ROBO3: variants seen among roughly 807,000 people sequenced by gnomAD.
The protein encoded by ROBO3 is roundabout homolog 3.
Under a neutral mutation model 160.5 loss-of-function variants are expected in ROBO3, and 97 were observed. The ratio of observed to expected loss-of-function variants is 0.60; its 90% confidence interval spans 0.51 to 0.72. ROBO3 has a LOEUF of 0.72. Among genes scored for constraint, ROBO3 ranks in the 30% least tolerant of loss-of-function variants. The probability of loss-of-function intolerance (pLI) is 0.00; values close to 1 mark genes in which losing one functional copy is unlikely to be tolerated. For missense variants in ROBO3, 1,858 were observed against 1,846.5 expected, an observed-to-expected ratio of 1.01 and a Z score of -0.11; for synonymous variants, 780 against 746.2, an observed-to-expected ratio of 1.05 and a Z score of -0.74.
intron 1 of ROBO3, among the ~76,000 whole-genome samples, chr11:124,866,722 C>G (rs1193452740): frequency 6.6e-6 from 1 of 152,174 alleles, no homozygotes; most frequent in East Asian, 1.9e-4. Context: ...CGAAGCATCT[C>G]CTGAGACCGG....
chr11:124,870,721 T>G lies in ROBO3; in HGVS notation c.1026T>G (p.Ser342Arg), dbSNP rs1946270085. ...GCGCTGAAGCATCTGGCTCCCTCAGTGTTCACGGTGAGGGCTGTACTTGGG... is the reference window on the plus strand; with the variant it reads ...GCGCTGAAGCATCTGGCTCCCTCAGGGTTCACGGTGAGGGCTGTACTTGGG... ...VGRAEASGSL[S>R]VHVPPQLVTQ... The change falls in exon 6 of 28, where the codon AGT becomes AGG. Residue 342 changes from serine (S) to arginine (R), a missense_variant. Transcript: ENST00000397801. The G allele has an allele frequency of 6.2e-7, 1 of 1,611,074 alleles. No homozygotes were observed. Among genetic ancestry groups the G allele is most frequent in the East Asian group, 2.2e-5 (1 of 44,806 alleles).
At position 124,873,931 on chromosome 11, in the gene ROBO3, T is replaced by C. The variant is rs1192389218; in HGVS notation, c.1784+69T>C. The C allele has an allele frequency of 5.6e-6, 9 of 1,599,024 alleles. No individual in the cohort carries two copies. Among genetic ancestry groups the C allele is most frequent in the Non-Finnish European group, 7.7e-6 (9 of 1,168,292 alleles). On this transcript the variant is annotated intron_variant, in intron 11 of 27. Coordinates refer to ENST00000397801, the MANE Select transcript of ROBO3 (RefSeq NM_022370.4). This position sits in a 1 kb window ranked among gnomAD's most constrained non-coding sequence, Gnocchi z 4.5. The stretch of plus-strand genomic sequence containing the variant: ...GGGGATCCTATGCCCTTAGGGTCTT[T>C]GCTATTGTGAGGTGGGATTCTCCAG...
Position 124,869,355 on chromosome 11 carries a change from G to T in ROBO3, c.488-95G>T. The T allele has an allele frequency of 1.6e-6, 2 of 1,247,534 alleles. No individual in the cohort carries two copies. The highest frequency in any genetic ancestry group is 2.5e-5 in the South Asian group (2 of 78,494). The allele number at this position is 1,247,534 out of a possible 1,614,324, so 77.3% of individuals were successfully genotyped here. A position where few individuals can be genotyped will look rare whatever the true frequency, so the allele number is the denominator to read the frequency against. On this transcript the variant is annotated intron_variant, in intron 2 of 27. Coordinates refer to ENST00000397801, the MANE Select transcript of ROBO3 (RefSeq NM_022370.4). The surrounding 1 kb of genome is among the most constrained non-coding windows in gnomAD (Gnocchi z 4.2). ...CTGGGAACGAATTCCAGTCTGCAGC[G>T]ATCAACCCCTTCCCAAGACAACACT...
chr11:124,877,470 C>T (rs1356486278), intron 19 of ROBO3, 49 bp from the exon 20 acceptor site: 1 of 1,599,844 alleles, frequency 6.3e-7, no homozygotes, highest in African/African-American at 1.3e-5. Flanking sequence ...CTTTCCTTTG[C>T]TGGCCTCTTC....
chr11:124,865,782 G>A lies in ROBO3; in HGVS notation c.160+45G>A, dbSNP rs1450065889. The A allele has an allele frequency of 1.9e-6, 3 of 1,550,104 alleles. No homozygotes were observed. Among genetic ancestry groups the A allele is most frequent in the Non-Finnish European group, 2.6e-6 (3 of 1,147,256 alleles). On this transcript the variant is annotated intron_variant, in intron 1 of 27. Transcript: ENST00000397801. The surrounding 1 kb of genome is among the most constrained non-coding windows in gnomAD (Gnocchi z 5.5). ...GGATATGGGATCCTGGGATGGGGAT[G>A]AGGTGAGAGGGCGGCGTGGAAGGGA...
Position 124,876,879 on chromosome 11 carries a change from G to C in ROBO3, c.2780-282G>C, listed in dbSNP as rs565405065. 1 of 579,920 alleles carries C rather than the reference G, an allele frequency of 1.7e-6. No individual in the cohort carries two copies. Among genetic ancestry groups the C allele is most frequent in the South Asian group, 2.2e-5 (1 of 45,098 alleles). 35.9% of individuals were successfully genotyped at this position (579,920 alleles called of 1,614,324 possible). ...GGCCCGCTGAAAGAAGGCGATCCGA[G>C]TTCTGCTACTTCCTAGTAAGGGACG... is the stretch of plus-strand genomic sequence containing the variant. On this transcript the variant is annotated intron_variant, in intron 17 of 27. Coordinates refer to ENST00000397801, the MANE Select transcript of ROBO3 (RefSeq NM_022370.4). This position sits in a 1 kb window ranked among gnomAD's most constrained non-coding sequence, Gnocchi z 5.3.
Position 124,869,675 on chromosome 11 carries a change from T to G in ROBO3, c.645+68T>G. 6 of 1,471,602 alleles carry G rather than the reference T, an allele frequency of 4.1e-6. No individual in the cohort carries two copies. The highest frequency in any genetic ancestry group is 4.6e-6 in the Non-Finnish European group (5 of 1,097,512). The allele number at this position is 1,471,602 out of a possible 1,614,324, so 91.2% of individuals were successfully genotyped here. A position where few individuals can be genotyped will look rare whatever the true frequency, so the allele number is the denominator to read the frequency against. ...ACATAGGGTAGGGAGGTGACAAGGC[T>G]GGAGATTGAGATCAGGGCATTAGCT... On this transcript the variant is annotated intron_variant, in intron 3 of 27. Transcript: ENST00000397801. This position sits in a 1 kb window ranked among gnomAD's most constrained non-coding sequence, Gnocchi z 4.2.
chr11:124,866,100 C>T (rs947417620), intron 1 of ROBO3, among the ~76,000 whole-genome samples: 2 of 152,230 alleles, frequency 1.3e-5, no homozygotes, highest in Non-Finnish European at 2.9e-5. Context: ...CAGTCTCCCG[C>T]CGGCCTCGGC....
chr11:124,879,562 G>T lies in ROBO3; in HGVS notation c.3783G>T (p.Glu1261Asp), dbSNP rs1168024391. Residue 1261 changes from glutamate (E) to aspartate (D), a missense_variant, in exon 25 of 28, where the codon GAG becomes GAT. By Grantham distance (45) the Glu-to-Asp change is conservative. Coordinates refer to ENST00000397801, the MANE Select transcript of ROBO3 (RefSeq NM_022370.4). Reference protein sequence around the residue: ...KKPKALPYRRENSPGDLPPPP... With the variant: ...KKPKALPYRRDNSPGDLPPPP... ...CCAAGGCTCTTCCCTACAGGAGGGAGAACAGTCCTGGGGGTGAGGGGGGAT... is the reference window on the plus strand; with the variant it reads ...CCAAGGCTCTTCCCTACAGGAGGGATAACAGTCCTGGGGGTGAGGGGGGAT... 8 of 1,612,876 alleles carry T rather than the reference G, an allele frequency of 5.0e-6. No individual in the cohort carries two copies. In the East Asian group the frequency reaches 1.8e-4, roughly 36 times the overall value.
intron 1 of ROBO3, among the ~76,000 whole-genome samples, chr11:124,868,028 G>C (rs1323756338): frequency 6.6e-6 from 1 of 152,222 alleles, no homozygotes; most frequent in Admixed American, 6.5e-5. Context: ...AGAATATGTG[G>C]ATGAACTGAT....
At position 124,877,292 on chromosome 11, in the gene ROBO3, C is replaced by G; in HGVS notation, c.2829C>G (p.Leu943=). The G allele has an allele frequency of 1.2e-6, 2 of 1,613,982 alleles. No individual in the cohort carries two copies. Among genetic ancestry groups the G allele is most frequent in the Non-Finnish European group, 1.7e-6 (2 of 1,179,874 alleles). ...PAVSFPHSEG[L]SGASSRPPMG... Reference sequence around the variant, plus strand: ...TGTCCTTCCCGCACTCAGAGGGCCTCTCTGGAGCCAGTTCCAGGTAATTCT... The same window carrying G: ...TGTCCTTCCCGCACTCAGAGGGCCTGTCTGGAGCCAGTTCCAGGTAATTCT... Residue 943 remains leucine (L), a synonymous_variant, in exon 19 of 28, where the codon CTC becomes CTG. Transcript: ENST00000397801.
chr11:124,866,961 C>A (rs866391968), intron 1 of ROBO3, among the ~76,000 whole-genome samples: 1 of 152,176 alleles, frequency 6.6e-6, no homozygotes, highest in Non-Finnish European at 1.5e-5. Flanking sequence ...GCTCACCTAG[C>A]GCGTTTACAG....
chr11:124,878,524 C>G lies in ROBO3; in HGVS notation c.3321-60C>G. The G allele has an allele frequency of 6.2e-7, 1 of 1,600,400 alleles. No individual in the cohort carries two copies. The highest frequency in any genetic ancestry group is 8.5e-7 in the Non-Finnish European group (1 of 1,171,352). ...GAAGGGGAGGGGGCAGCAGGAAGGCCAACGGGAAGGTATGGAAGCAGCTGA... is the reference window on the plus strand; with the variant it reads ...GAAGGGGAGGGGGCAGCAGGAAGGCGAACGGGAAGGTATGGAAGCAGCTGA... On this transcript the variant is annotated intron_variant, in intron 22 of 27. Coordinates refer to ENST00000397801, the MANE Select transcript of ROBO3 (RefSeq NM_022370.4). This position sits in a 1 kb window ranked among gnomAD's most constrained non-coding sequence, Gnocchi z 4.3.
In ROBO3 at chr11:124,875,980, C is replaced by T. The variant is rs1339489397; in HGVS notation, c.2448C>T (p.Arg816=). The T allele has an allele frequency of 1.2e-6, 2 of 1,600,216 alleles. No homozygotes were observed. Among genetic ancestry groups the T allele is most frequent in the Middle Eastern group, 1.7e-4 (1 of 6,004 alleles). ...TCTGGTGCCTGGGCAATGAGAGCCG[C>T]TTTCACCTCAATCGATCTGCAGCAG... ...YQIWCLGNES[R]FHLNRSAAGW... Residue 816 remains arginine (R), a synonymous_variant, in exon 16 of 28, where the codon CGC becomes CGT. Coordinates refer to ENST00000397801, the MANE Select transcript of ROBO3 (RefSeq NM_022370.4).
At chr11:124,877,458 C>T (rs1946416356) in intron 19 of ROBO3, 61 bp from the exon 20 acceptor site, 2 of 1,599,580 alleles carry the variant, frequency 1.3e-6, no homozygotes, top group African/African-American at 2.7e-5. Context: ...ATCGCCACCT[C>T]CCTTTCCTTT....
At position 124,865,833 on chromosome 11, in the gene ROBO3, C is replaced by T; in HGVS notation, c.160+96C>T. 1.5e-6 allele frequency: 2 copies of T among 1,369,700 alleles called. No homozygotes were observed. Among genetic ancestry groups the T allele is most frequent in the Non-Finnish European group, 2.0e-6 (2 of 1,024,220 alleles). 84.8% of individuals were successfully genotyped at this position (1,369,700 alleles called of 1,614,324 possible). A position where few individuals can be genotyped will look rare whatever the true frequency, so the allele number is the denominator to read the frequency against. ...AGGAGAAGCGCTCCTGTCCCGAGGT[C>T]CGGGATTGAGTGGCGCCTCCCAGCG... On this transcript the variant is annotated intron_variant, in intron 1 of 27. Transcript: ENST00000397801. This position sits in a 1 kb window ranked among gnomAD's most constrained non-coding sequence, Gnocchi z 5.5.
chr11:124,876,502 C>G lies in ROBO3; in HGVS notation c.2779+42C>G. ...GGAGCGGACGGATCCGGGAGGGAGC[C>G]AGGCGGCCCATGGGGAGGGGCAGGG... On this transcript the variant is annotated intron_variant, in intron 17 of 27. Transcript: ENST00000397801. This position sits in a 1 kb window ranked among gnomAD's most constrained non-coding sequence, Gnocchi z 5.3. The G allele has an allele frequency of 1.5e-6, 2 of 1,346,674 alleles. No homozygotes were observed. The highest frequency in any genetic ancestry group is 1.9e-6 in the Non-Finnish European group (2 of 1,053,182). The allele number at this position is 1,346,674 out of a possible 1,614,324, so 83.4% of individuals were successfully genotyped here. A position where few individuals can be genotyped will look rare whatever the true frequency, so the allele number is the denominator to read the frequency against.
Position 124,868,868 on chromosome 11 carries a change from C to T in ROBO3, c.227C>T (p.Ser76Phe). The change falls in exon 2 of 28, where the codon TCC becomes TTC. Residue 76 changes from serine (S) to phenylalanine (F), a missense_variant. Physicochemically the swap from Ser to Phe is radical, Grantham distance 155. Transcript: ENST00000397801. ...GAGCAGCCGCCAGATCTGCTGGTCT[C>T]CCGAGGCGAGCCCGCCACGTTGCCC... Reference protein sequence around the residue: ...IVEQPPDLLVSRGEPATLPCR... With the variant: ...IVEQPPDLLVFRGEPATLPCR... 6.2e-7 allele frequency: 1 copy of T among 1,608,412 alleles called. No homozygotes were observed. Among genetic ancestry groups the T allele is most frequent in the Middle Eastern group, 1.7e-4 (1 of 6,050 alleles).
Position 124,876,613 on chromosome 11 carries a change from G to C in ROBO3, c.2779+153G>C. 4 of 619,608 alleles carry C rather than the reference G, an allele frequency of 6.5e-6. No individual in the cohort carries two copies. The South Asian group carries it at 1.6e-4, about 25-fold the overall frequency. The allele number at this position is 619,608 out of a possible 1,614,324, so 38.4% of individuals were successfully genotyped here. On this transcript the variant is annotated intron_variant, in intron 17 of 27. Coordinates refer to ENST00000397801, the MANE Select transcript of ROBO3 (RefSeq NM_022370.4). This position sits in a 1 kb window ranked among gnomAD's most constrained non-coding sequence, Gnocchi z 5.3. ...CTCTTGGGTAGGGGCGGGATACGTGGGGCGACTCGAGGAGCTGCCAGGACT... is the reference window on the plus strand; with the variant it reads ...CTCTTGGGTAGGGGCGGGATACGTGCGGCGACTCGAGGAGCTGCCAGGACT...
Sources: allele counts gnomAD v4.1 joint callset (sites outside exome capture counted in the v4.1 genomes callset), GRCh38; gene constraint gnomAD v4.1.1; non-coding constraint Gnocchi (gnomAD v3.1); transcripts MANE v1.5; gene names NCBI Gene and HGNC (gene_info 2026-07-23, HGNC 2026-07-21).